The following PDZD2 variants were observed in gnomAD, a reference collection of about 807,000 sequenced individuals.
PDZD2 encodes the protein PDZ domain-containing protein 2.
Under a neutral mutation model 220.7 loss-of-function variants are expected in PDZD2, and 90 were observed. The observed-to-expected ratio is 0.41, with a 90% CI of 0.34 to 0.49. PDZD2 has a LOEUF of 0.49. PDZD2 is among the 20% of genes least tolerant of loss of function. The probability of loss-of-function intolerance (pLI) is 0.28; values close to 1 mark genes in which losing one functional copy is unlikely to be tolerated. For synonymous variants in PDZD2, 1,375 were observed against 1,450.5 expected (o/e 0.95, Z 1.18); for missense variants, 3,174 against 3,608.5 (o/e 0.88, Z 3.08).
chr5:32,000,178 C>T lies in PDZD2; in HGVS notation c.1161C>T (p.Ile387=), dbSNP rs778125189. ...RLSLGDELLV[I]NGHLLVGLSH... Reference sequence around the variant, plus strand: ...CCTTAGGAGATGAGCTGCTGGTAATCAATGGTCATTTACTGGTCGGGCTCT... The same window carrying T: ...CCTTAGGAGATGAGCTGCTGGTAATTAATGGTCATTTACTGGTCGGGCTCT... Residue 387 remains isoleucine (I), a synonymous_variant, in exon 5 of 25, where the codon ATC becomes ATT. Transcript: ENST00000438447. The surrounding 1 kb of genome is among the most constrained non-coding windows in gnomAD (Gnocchi z 4.5). The T allele has an allele frequency of 6.2e-7, 1 of 1,613,890 alleles. No homozygotes were observed. Among genetic ancestry groups the T allele is most frequent in the Non-Finnish European group, 8.5e-7 (1 of 1,179,780 alleles).
chr5:32,097,468 T>G, intron 22 of PDZD2, 88 bp downstream of exon 22: 1 of 795,644 alleles, frequency 1.3e-6, no homozygotes, highest in Non-Finnish European at 2.2e-6. Context: ...AATCAGCGGG[T>G]TCAGAGATTG....
At position 32,098,340 on chromosome 5, in the gene PDZD2, TC is replaced by T; in HGVS notation, c.7948-21del. On this transcript the variant is annotated intron_variant, in intron 22 of 24. Transcript: ENST00000438447. This position sits in a 1 kb window ranked among gnomAD's most constrained non-coding sequence, Gnocchi z 4.1. Reference sequence around the variant, plus strand: ...AATCGTAAGTGGATCTGGTTTTTGTTCCCTTTTCCTTTCCTCATCCCAGGTC... The same window carrying T: ...AATCGTAAGTGGATCTGGTTTTTGTTCCTTTTCCTTTCCTCATCCCAGGTC... 1 of 1,606,758 alleles carries T rather than the reference TC, an allele frequency of 6.2e-7. No homozygotes were observed. Among genetic ancestry groups the T allele is most frequent in the Non-Finnish European group, 8.5e-7 (1 of 1,175,988 alleles).
chr5:32,034,010 C>G (rs1449327481), intron 6 of PDZD2, among the ~76,000 whole-genome samples: 1 of 152,150 alleles, frequency 6.6e-6, no homozygotes, highest in Non-Finnish European at 1.5e-5. Flanking sequence ...CTATCATGAC[C>G]AGAAACCTTT....
chr5:31,733,110 G>A (rs749086691), intron 1 of PDZD2, among the ~76,000 whole-genome samples: 21 of 152,136 alleles, frequency 1.4e-4, no homozygotes, highest in Non-Finnish European at 2.2e-4. Flanking sequence ...AGTACAAGCC[G>A]TGATTCCATT....
At chr5:31,922,761 C>T (rs1355489678) in intron 2 of PDZD2, among the ~76,000 whole-genome samples, 1 of 151,558 alleles carries the variant, frequency 6.6e-6, no homozygotes, top group Non-Finnish European at 1.5e-5. Context: ...CTCTGCCCCG[C>T]CCCCCCCTCC....
intron 1 of PDZD2, among the ~76,000 whole-genome samples, chr5:31,760,460 A>G (rs1751565321): frequency 6.6e-6 from 1 of 152,212 alleles, no homozygotes; most frequent in Non-Finnish European, 1.5e-5. Flanking sequence ...CTAGGTTATC[A>G]TGGAGATCTT....
chr5:31,956,014 ATTG>A (rs1232935493), intron 2 of PDZD2, among the ~76,000 whole-genome samples: 1 of 152,160 alleles, frequency 6.6e-6, no homozygotes, highest in African/African-American at 2.4e-5. Context: ...GTCTTCATAA[ATTG>A]TTAAGACTTC....
chr5:31,869,489 GGGAGGC>G (rs1203289185), intron 2 of PDZD2, among the ~76,000 whole-genome samples: 3 of 152,128 alleles, frequency 2.0e-5, no homozygotes, highest in African/African-American at 7.2e-5. Flanking sequence ...CCGTGAACCT[GGGAGGC>G]GGAGGTTGCA....
chr5:31,831,470 C>T (rs1376512913), intron 2 of PDZD2, among the ~76,000 whole-genome samples: 18 of 151,820 alleles, frequency 1.2e-4, no homozygotes, highest in South Asian at 6.3e-4. Context: ...AAAAATTGGC[C>T]GGCTGTGGTG....
intron 14 of PDZD2, among the ~76,000 whole-genome samples, chr5:32,065,795 C>G (rs543664669): frequency 1.4e-4 from 22 of 152,196 alleles, no homozygotes; most frequent in Admixed American, 5.9e-4. Flanking sequence ...GAGGCCAAGG[C>G]GGGTGGATCG....
chr5:31,775,118 C>T (rs7736346), intron 1 of PDZD2, among the ~76,000 whole-genome samples: 39,088 of 152,112 alleles, frequency 0.26, 5,817 homozygotes, highest in African/African-American at 0.41. Flanking sequence ...TTCTTCCTCA[C>T]GCTATAGTAC....
chr5:32,020,707 C>T lies in PDZD2; in HGVS notation c.1407+10225C>T, dbSNP rs548164527. Among the ~76,000 whole-genome samples, 9 of 150,136 alleles carry T rather than the reference C, an allele frequency of 6.0e-5. No homozygotes were observed. In the South Asian group the frequency reaches 8.5e-4, roughly 14 times the overall value. On this transcript the variant is annotated intron_variant, in intron 6 of 24. Transcript: ENST00000438447. The stretch of plus-strand genomic sequence containing the variant: ...TCACCCAGGCTGGAGTGCAGTGGCG[C>T]GATCTCGGCTCACTGCAACCTCTGC...
intron 13 of PDZD2, among the ~76,000 whole-genome samples, chr5:32,060,267 A>G (rs1366338045): frequency 6.6e-6 from 1 of 152,208 alleles, no homozygotes; most frequent in Admixed American, 6.5e-5. Context: ...ACATCCCAAG[A>G]TGATGTTTCT....
At chr5:32,052,586 G>C in intron 8 of PDZD2, 25 bp from the exon 9 acceptor site, 1 of 1,611,468 alleles carries the variant, frequency 6.2e-7, no homozygotes, top group Non-Finnish European at 8.5e-7. Context: ...AGTAATCTCT[G>C]ACCTTGCCGT....
At chr5:31,663,535 C>T (rs10461697) in intron 1 of PDZD2, among the ~76,000 whole-genome samples, 39 of 152,122 alleles carry the variant, frequency 2.6e-4, no homozygotes, top group African/African-American at 9.2e-4. Flanking sequence ...GTTTAAGAAG[C>T]GTGCCTTCTC....
chr5:31,816,672 T>A (rs1313279133), intron 2 of PDZD2, among the ~76,000 whole-genome samples: 1 of 152,196 alleles, frequency 6.6e-6, no homozygotes, highest in Non-Finnish European at 1.5e-5. Flanking sequence ...AGAGGAGCTA[T>A]ATGTTAAAAA....
chr5:31,826,146 G>A (rs1756202210), intron 2 of PDZD2, among the ~76,000 whole-genome samples: 1 of 152,140 alleles, frequency 6.6e-6, no homozygotes, highest in South Asian at 2.1e-4. Flanking sequence ...GAGGCAAAAT[G>A]TTTCCTGTCT....
chr5:32,088,987 G>T lies in PDZD2; in HGVS notation c.5539G>T (p.Val1847Leu), dbSNP rs770014046. ...TTCAAGCCAAAAAAAGGGCGTTACT[G>T]TGCCTCATAGCCCTCCTCAGCCGAA... Reference protein sequence around the residue: ...VSSSQKKGVTVPHSPPQPKTN... With the variant: ...VSSSQKKGVTLPHSPPQPKTN... Residue 1847 changes from valine (V) to leucine (L), a missense_variant, in exon 20 of 25, where the codon GTG (valine) becomes TTG (leucine). Transcript: ENST00000438447. This position sits in a 1 kb window ranked among gnomAD's most constrained non-coding sequence, Gnocchi z 4.6. The T allele has an allele frequency of 6.2e-7, 1 of 1,614,000 alleles. No individual in the cohort carries two copies. Among genetic ancestry groups the T allele is most frequent in the Non-Finnish European group, 8.5e-7 (1 of 1,180,018 alleles).
chr5:31,760,965 G>A (rs1282894874), intron 1 of PDZD2, among the ~76,000 whole-genome samples: 1 of 152,098 alleles, frequency 6.6e-6, no homozygotes, highest in Non-Finnish European at 1.5e-5. Flanking sequence ...TTTGTTGAGT[G>A]GAAGAGTAGA....
Sources: allele counts gnomAD v4.1 joint callset (sites outside exome capture counted in the v4.1 genomes callset), GRCh38; gene constraint gnomAD v4.1.1; non-coding constraint Gnocchi (gnomAD v3.1); transcripts MANE v1.5; gene names NCBI Gene and HGNC (gene_info 2026-07-23, HGNC 2026-07-21).